DRC11L: variants seen among roughly 807,000 people sequenced by gnomAD.
DRC11L encodes the protein dynein regulatory complex subunit like-11.
chr7:151,205,356 C>T, the DRC11L span: 2 of 399,090 alleles, frequency 5.0e-6, no homozygotes, highest in Admixed American at 4.4e-5. Flanking sequence ...GCCCAAACCG[C>T]CACTCTGCCC....
the DRC11L span, chr7:151,192,631 T>A: frequency 2.5e-6 from 1 of 398,768 alleles, no homozygotes; most frequent in Non-Finnish European, 4.4e-6. Context: ...GAGGGGCATG[T>A]GCAAGGCCCC....
chr7:151,194,239 C>T, the DRC11L span: 1 of 398,966 alleles, frequency 2.5e-6, no homozygotes, highest in East Asian at 3.6e-5. Context: ...GCTCCTCACA[C>T]CCCCAGAGCC....
chr7:151,192,253 G>A, the DRC11L span: 5 of 399,064 alleles, frequency 1.3e-5, no homozygotes, highest in East Asian at 1.4e-4. Flanking sequence ...AGGCGCAGCC[G>A]TCCCCACATC....
the DRC11L span, chr7:151,190,907 G>C: frequency 2.5e-6 from 1 of 399,018 alleles, no homozygotes; most frequent in Non-Finnish European, 4.4e-6. Flanking sequence ...TTATGCCTCT[G>C]CCCCATCCCT....
At chr7:151,198,169 T>C in the DRC11L span, among the ~76,000 whole-genome samples, 87,476 of 139,508 alleles carry the variant, frequency 0.63, 26,593 homozygotes, top group East Asian at 0.87. Context: ...TGGGTAGATG[T>C]GTGGATGGAT....
chr7:151,194,269 C>T, the DRC11L span: 9 of 399,052 alleles, frequency 2.3e-5, no homozygotes, highest in South Asian at 2.6e-4. Flanking sequence ...GCCGAAGGAC[C>T]GCATACAAAG....
At chr7:151,193,069 C>T in the DRC11L span, 45 of 397,336 alleles carry the variant, frequency 1.1e-4, no homozygotes, top group Admixed American at 1.9e-3. Context: ...CTCATCCTAC[C>T]ATGAAAAGAA....
At chr7:151,195,655 C>T in the DRC11L span, 6 of 399,600 alleles carry the variant, frequency 1.5e-5, no homozygotes, top group East Asian at 7.1e-5. Context: ...ATCAGCTCAT[C>T]CACCTAGGGG....
chr7:151,205,074 G>C, the DRC11L span, among the ~76,000 whole-genome samples: 1 of 152,196 alleles, frequency 6.6e-6, no homozygotes, highest in Admixed American at 6.5e-5. Flanking sequence ...GAATGGGCAT[G>C]ACCTTTGGGG....
At chr7:151,193,159 G>A in the DRC11L span, 1 of 397,940 alleles carries the variant, frequency 2.5e-6, no homozygotes. Flanking sequence ...AGCCCGGTTG[G>A]TAGGGAGACC....
the DRC11L span, chr7:151,195,848 A>C: frequency 7.8e-6 from 3 of 384,616 alleles, no homozygotes; most frequent in African/African-American, 6.2e-5. Flanking sequence ...CCCTCCTGGC[A>C]CCTGTTCACA....
At chr7:151,201,460 C>T in the DRC11L span, among the ~76,000 whole-genome samples, 4 of 152,322 alleles carry the variant, frequency 2.6e-5, no homozygotes, top group East Asian at 5.8e-4. The surrounding 1 kb of genome is among the most constrained non-coding windows in gnomAD (Gnocchi z 4.1). Flanking sequence ...TTAGTGAGCC[C>T]TGCTGTCGAG....
At chr7:151,202,545 G>A in the DRC11L span, among the ~76,000 whole-genome samples, 3 of 152,190 alleles carry the variant, frequency 2.0e-5, no homozygotes, top group African/African-American at 7.2e-5. Flanking sequence ...TTAAAGTACT[G>A]ACTGGTTTAG....
At chr7:151,198,459 C>A in the DRC11L span, among the ~76,000 whole-genome samples, 3 of 152,028 alleles carry the variant, frequency 2.0e-5, no homozygotes, top group African/African-American at 7.2e-5. Flanking sequence ...AATAAAGGAC[C>A]AGGGTGACGG....
At chr7:151,203,085 T>A in the DRC11L span, 1 of 399,282 alleles carries the variant, frequency 2.5e-6, no homozygotes, top group Non-Finnish European at 4.4e-6. Flanking sequence ...TCCGGTGCAT[T>A]CCTGTAAAGC....
chr7:151,195,154 G>A, the DRC11L span, among the ~76,000 whole-genome samples: 1 of 152,172 alleles, frequency 6.6e-6, no homozygotes, highest in Admixed American at 6.5e-5. Flanking sequence ...GGAAGGATCT[G>A]GAAGTGGAGA....
the DRC11L span, chr7:151,191,234 C>T: frequency 7.5e-6 from 3 of 397,466 alleles, no homozygotes; most frequent in African/African-American, 6.2e-5. Context: ...CCCTTGCTCC[C>T]CACCAAATGC....
the DRC11L span, chr7:151,192,530 G>C: frequency 2.5e-6 from 1 of 398,608 alleles, no homozygotes; most frequent in Non-Finnish European, 4.4e-6. Context: ...AGTTCTCAGA[G>C]CCCACCCCAC....
the DRC11L span, chr7:151,192,240 G>A: frequency 2.5e-6 from 1 of 399,038 alleles, no homozygotes. Context: ...GGCAGGCTTT[G>A]GTAGGCGCAG....
Sources: gnomAD v4.1 joint callset for allele counts (sites outside exome capture counted in the v4.1 genomes callset) on GRCh38, gnomAD v4.1.1 for gene constraint, Gnocchi (gnomAD v3.1) non-coding constraint, MANE v1.5 for transcripts, NCBI Gene and HGNC (gene_info 2026-07-23, HGNC 2026-07-21) for gene names.